The following AR variants were observed in gnomAD, a reference collection of about 807,000 sequenced individuals.
AR encodes dihydrotestosterone receptor.
A neutral mutation model predicts 53.9 loss-of-function variants in AR; 8 were observed. The observed-to-expected ratio is 0.15, with a 90% confidence interval of 0.09 to 0.27. The LOEUF is 0.27. Among genes scored for constraint, AR ranks in the 10% least tolerant of loss-of-function variants. The pLI, the probability that AR is intolerant of heterozygous loss-of-function variation, is 1.00. For synonymous variants in AR, 359 were observed against 316.4 expected, an observed-to-expected ratio of 1.13 and a Z score of -1.43; for missense variants, 639 against 742.5, an observed-to-expected ratio of 0.86 and a Z score of 1.62.
chrX:67,594,194 A>G (rs186777846), intron 1 of AR, among the ~76,000 whole-genome samples: 83 of 111,780 alleles, frequency 7.4e-4, no homozygotes, highest in African/African-American at 2.5e-3. Context: ...GGGTCTCACT[A>G]TGTTGCCCTG....
At chrX:67,670,652 G>T (rs184371099) in intron 2 of AR, among the ~76,000 whole-genome samples, 2 of 109,470 alleles carry the variant, frequency 1.8e-5, no homozygotes, top group East Asian at 5.7e-4. Flanking sequence ...GAACGTGCAG[G>T]TTTCTTACAT....
intron 1 of AR, among the ~76,000 whole-genome samples, chrX:67,618,628 G>C (rs1027224837): frequency 1.8e-5 from 2 of 111,684 alleles, no homozygotes; most frequent in East Asian, 2.9e-4. Flanking sequence ...AATGCACCAA[G>C]CTAATAGGTG....
chrX:67,620,803 A>G (rs1005567795), intron 1 of AR, among the ~76,000 whole-genome samples: 4 of 111,603 alleles, frequency 3.6e-5, no homozygotes, highest in African/African-American at 1.3e-4. Flanking sequence ...CTCAGACCAG[A>G]CTTATGATAG....
chrX:67,727,789 G>A lies in AR; in HGVS notation c.*3948G>A, dbSNP rs745360560. 1.0e-4 allele frequency: 18 copies of A among 172,274 alleles called. No individual in the cohort carries two copies. The highest frequency in any genetic ancestry group is 2.0e-4 in the Non-Finnish European group (18 of 90,265). The allele number at this position is 172,274 out of a possible 1,213,427, so 14.2% of individuals were successfully genotyped here. A position where few individuals can be genotyped will look rare whatever the true frequency, so the allele number is the denominator to read the frequency against. ...CTTGTGCCAGTTGCCCAGGTGAGAG[G>A]GCACTGGGCCAAGGGAGTGGTTTTC... is the stretch of plus-strand genomic sequence containing the variant. On this transcript the variant is annotated 3_prime_UTR_variant, in exon 8 of 8. Transcript: ENST00000374690.
intron 2 of AR, chrX:67,680,780 G>A (rs1319351778): frequency 3.0e-6 from 1 of 330,083 alleles, no homozygotes; most frequent in Non-Finnish European, 5.9e-6. Flanking sequence ...AAGCCATACT[G>A]CATGGCAGCA....
At chrX:67,713,051 A>G (rs2076099843) in intron 4 of AR, among the ~76,000 whole-genome samples, 1 of 111,831 alleles carries the variant, frequency 8.9e-6, no homozygotes. Context: ...CCTGATTCCA[A>G]ATTCTCTCTA....
intron 1 of AR, among the ~76,000 whole-genome samples, chrX:67,562,672 C>T (rs1921384255): frequency 1.8e-5 from 2 of 110,716 alleles, no homozygotes; most frequent in Non-Finnish European, 3.8e-5. Flanking sequence ...AATCTTGGGT[C>T]CCTTGCTTAC....
intron 1 of AR, among the ~76,000 whole-genome samples, chrX:67,614,767 AG>A (rs1924036709): frequency 9.0e-6 from 1 of 111,564 alleles, no homozygotes; most frequent in African/African-American, 3.2e-5. Flanking sequence ...GAAATTCACT[AG>A]GGAAAGACTT....
intron 1 of AR, among the ~76,000 whole-genome samples, chrX:67,559,414 A>G (rs1278216629): frequency 8.9e-6 from 1 of 111,942 alleles, no homozygotes; most frequent in Non-Finnish European, 1.9e-5. Context: ...TTAGGAAAAA[A>G]TGTCAGCATG....
At chrX:67,690,079 C>T (rs2075987550) in intron 3 of AR, among the ~76,000 whole-genome samples, 1 of 111,630 alleles carries the variant, frequency 9.0e-6, no homozygotes, top group Non-Finnish European at 1.9e-5. Context: ...CTCTCCTGGA[C>T]CATGGAAGGT....
intron 3 of AR, chrX:67,695,193 T>C (rs1398822395): frequency 2.7e-6 from 2 of 753,866 alleles, no homozygotes; most frequent in Admixed American, 1.7e-4. Flanking sequence ...TGTCTGAGGT[T>C]CCTGTGGCCA....
chrX:67,607,114 C>T (rs1233781216), intron 1 of AR, among the ~76,000 whole-genome samples: 6 of 111,274 alleles, frequency 5.4e-5, no homozygotes, highest in African/African-American at 2.0e-4. Flanking sequence ...ACCACAACCT[C>T]CGCCTCCCAG....
In AR at chrX:67,685,278, G is replaced by A. The variant is rs560267582; in HGVS notation, c.1769-732G>A. ...AAAGTATTGAGCAAAATATGTTTGA[G>A]CAGCTGTAATTCTGAGGATCTCTAG... On this transcript the variant is annotated intron_variant, in intron 2 of 7. Coordinates refer to ENST00000374690, the MANE Select transcript of AR (RefSeq NM_000044.6). Among the ~76,000 whole-genome samples, 4 of 111,759 alleles carry A rather than the reference G, an allele frequency of 3.6e-5. No individual in the cohort carries two copies. The South Asian group carries it at 1.5e-3, about 42-fold the overall frequency.
intron 2 of AR, among the ~76,000 whole-genome samples, chrX:67,666,851 A>G (rs1404737494): frequency 9.0e-6 from 1 of 111,341 alleles, no homozygotes; most frequent in Non-Finnish European, 1.9e-5. Flanking sequence ...TGTCATTTGT[A>G]TGTTTTATTT....
intron 2 of AR, chrX:67,680,665 G>A (rs903762679): frequency 9.8e-5 from 32 of 327,862 alleles, no homozygotes; most frequent in Non-Finnish European, 1.6e-4. Flanking sequence ...TTTGCATAAT[G>A]TGATGCCACT....
intron 2 of AR, among the ~76,000 whole-genome samples, chrX:67,672,870 G>T (rs1160321574): frequency 9.0e-6 from 1 of 111,108 alleles, no homozygotes; most frequent in Admixed American, 9.6e-5. Context: ...CAGATAATTT[G>T]TTATTGCTCA....
rs1264280491 is a variant in AR at position 67,725,316 on chromosome X, G to T, written c.*1475G>T. 1 of 173,729 alleles carries T rather than the reference G, an allele frequency of 5.8e-6. No homozygotes were observed. Among genetic ancestry groups the T allele is most frequent in the East Asian group, 8.1e-5 (1 of 12,302 alleles). 14.3% of individuals were successfully genotyped at this position (173,729 alleles called of 1,213,427 possible). ...CTGGAGCCCTTAGACAAACTGGAAA[G>T]AAGGCATCAAAGGGATCAGGCAAGC... On this transcript the variant is annotated 3_prime_UTR_variant, in exon 8 of 8. Transcript: ENST00000374690.
intron 2 of AR, among the ~76,000 whole-genome samples, chrX:67,680,559 T>A (rs2075927215): frequency 8.9e-6 from 1 of 112,073 alleles, no homozygotes; most frequent in Non-Finnish European, 1.9e-5. Context: ...ATATAGGTCC[T>A]GCATTAACAC....
intron 3 of AR, among the ~76,000 whole-genome samples, chrX:67,709,396 G>C (rs1295935144): frequency 8.9e-6 from 1 of 112,271 alleles, no homozygotes; most frequent in African/African-American, 3.2e-5. Flanking sequence ...AGACTGCTCT[G>C]CTAGCAGTGA....
Sources: allele counts gnomAD v4.1 joint callset (sites outside exome capture counted in the v4.1 genomes callset), GRCh38; gene constraint gnomAD v4.1.1; transcripts MANE v1.5; gene names NCBI Gene and HGNC (gene_info 2026-07-23, HGNC 2026-07-21).